Variants in CDH4 observed in about 807,000 individuals in gnomAD.
The protein encoded by CDH4 is cadherin 4, also known as cadherin-4.
A neutral mutation model predicts 86.0 loss-of-function variants in CDH4; 33 were observed. That is an observed-to-expected ratio of 0.38 (90% CI 0.29 to 0.51). The LOEUF (loss-of-function observed/expected upper bound fraction) is 0.51. Ranked by LOEUF, CDH4 falls within the 20% of genes least tolerant of loss-of-function variation. The pLI is 0.86. For missense variants in CDH4, 1,114 were observed against 1,307.4 expected (o/e 0.85, Z 2.28); for synonymous variants, 555 against 549.4 (o/e 1.01, Z -0.14).
At chr20:61,842,708 G>A (rs932851390) in intron 4 of CDH4, among the ~76,000 whole-genome samples, 9 of 41,998 alleles carry the variant, frequency 2.1e-4, no homozygotes, top group East Asian at 4.6e-4. Flanking sequence ...TCTGGAATCT[G>A]TTACCCCTAT....
At chr20:61,896,893 CGAGA>C (rs1985153213) in intron 8 of CDH4, among the ~76,000 whole-genome samples, 1 of 152,088 alleles carries the variant, frequency 6.6e-6, no homozygotes, top group African/African-American at 2.4e-5. Context: ...TCCCTGACTC[CGAGA>C]AAGAAAAGGA....
intron 2 of CDH4, among the ~76,000 whole-genome samples, chr20:61,679,004 C>T (rs909124789): frequency 4.6e-5 from 7 of 152,156 alleles, no homozygotes; most frequent in African/African-American, 1.7e-4. Context: ...TTTCTTTTTG[C>T]CCTGTGGATT....
intron 2 of CDH4, among the ~76,000 whole-genome samples, chr20:61,386,800 CAGAG>C (rs1178014795): frequency 6.6e-5 from 10 of 152,230 alleles, no homozygotes; most frequent in Admixed American, 2.0e-4. Context: ...CTTCAGGAAA[CAGAG>C]AGAGGTGACC....
chr20:61,924,707 C>T (rs2055026016), intron 11 of CDH4, among the ~76,000 whole-genome samples: 1 of 152,120 alleles, frequency 6.6e-6, no homozygotes, highest in Non-Finnish European at 1.5e-5. Context: ...GTCATTCATT[C>T]TGCCCCCTCC....
At chr20:61,766,181 C>G (rs1457987668) in intron 3 of CDH4, among the ~76,000 whole-genome samples, 1 of 152,000 alleles carries the variant, frequency 6.6e-6, no homozygotes, top group Non-Finnish European at 1.5e-5. Context: ...CTGACCCTCC[C>G]CTCCCTACCC....
chr20:61,681,660 T>G lies in CDH4; in HGVS notation c.170-61903T>G, dbSNP rs1006089351. Among the ~76,000 whole-genome samples the G allele has an allele frequency of 1.3e-5, 2 of 152,152 alleles. No individual in the cohort carries two copies. Among genetic ancestry groups the G allele is most frequent in the African/African-American group, 4.8e-5 (2 of 41,428 alleles). Reference sequence around the variant, plus strand: ...GGAATCCCTTCCACAGGCACAGAGCTGAGGGTGCTGCAGAGCCCCTAAAGA... The same window carrying G: ...GGAATCCCTTCCACAGGCACAGAGCGGAGGGTGCTGCAGAGCCCCTAAAGA... On this transcript the variant is annotated intron_variant, in intron 2 of 15. Transcript: ENST00000614565. The surrounding 1 kb of genome is among the most constrained non-coding windows in gnomAD (Gnocchi z 4.5).
rs140545285 is a variant in CDH4, at chr20:61,592,412, C to T, written c.170-151151C>T. ...CCGTCATCCATGCAAAAGTAGCCACCGTGAAAATGGCCAATGGTATGGTTT... is the reference window on the plus strand; with the variant it reads ...CCGTCATCCATGCAAAAGTAGCCACTGTGAAAATGGCCAATGGTATGGTTT... On this transcript the variant is annotated intron_variant, in intron 2 of 15. Transcript: ENST00000614565. Among the ~76,000 whole-genome samples, 581 of 152,206 alleles carry T rather than the reference C, an allele frequency of 3.8e-3. 5 individuals are homozygous for T. Among genetic ancestry groups the T allele is most frequent in the African/African-American group, 0.014 (567 of 41,546 alleles).
At chr20:61,266,177 A>G (rs1354144368) in intron 2 of CDH4, among the ~76,000 whole-genome samples, 1 of 152,148 alleles carries the variant, frequency 6.6e-6, no homozygotes, top group Non-Finnish European at 1.5e-5. Flanking sequence ...GGTGCTTCCC[A>G]GCCCAGGAAA....
chr20:61,930,521 G>T (rs1394308046), intron 13 of CDH4, among the ~76,000 whole-genome samples: 2 of 152,070 alleles, frequency 1.3e-5, no homozygotes, highest in East Asian at 3.9e-4. Flanking sequence ...GCGGGGAAGG[G>T]TTGGGCTACC....
intron 4 of CDH4, among the ~76,000 whole-genome samples, chr20:61,830,970 T>G (rs927349975): frequency 3.3e-5 from 5 of 152,134 alleles, no homozygotes; most frequent in Non-Finnish European, 7.3e-5. Context: ...GGAGTGGGGT[T>G]TGAAGCTGAG....
At chr20:61,885,070 G>C (rs1167538297) in intron 7 of CDH4, among the ~76,000 whole-genome samples, 1 of 152,112 alleles carries the variant, frequency 6.6e-6, no homozygotes, top group Non-Finnish European at 1.5e-5. Flanking sequence ...ATCCATGCTA[G>C]AGTGGACATA....
At chr20:61,872,303 G>C (rs558236644) in intron 6 of CDH4, among the ~76,000 whole-genome samples, 1 of 152,308 alleles carries the variant, frequency 6.6e-6, no homozygotes, top group South Asian at 2.1e-4. Flanking sequence ...GTGAGATGAG[G>C]ATGCACAGGG....
At chr20:61,799,339 A>G (rs946702584) in intron 4 of CDH4, among the ~76,000 whole-genome samples, 22 of 152,348 alleles carry the variant, frequency 1.4e-4, no homozygotes, top group African/African-American at 5.3e-4. Context: ...TACGCTTCAT[A>G]ATATAAGAGG....
chr20:61,475,064 C>T (rs1049684947), intron 2 of CDH4, among the ~76,000 whole-genome samples: 13 of 152,122 alleles, frequency 8.5e-5, no homozygotes, highest in South Asian at 4.1e-4. Context: ...TTGATTATGG[C>T]GATCCCACAT....
intron 2 of CDH4, among the ~76,000 whole-genome samples, chr20:61,661,474 T>A (rs1296385319): frequency 6.7e-6 from 1 of 149,514 alleles, no homozygotes; most frequent in African/African-American, 2.5e-5. Flanking sequence ...TTCTGACTTT[T>A]TTTTTTTTTT....
intron 2 of CDH4, among the ~76,000 whole-genome samples, chr20:61,569,755 G>A (rs75956171): frequency 2.0e-5 from 3 of 151,992 alleles, no homozygotes; most frequent in Non-Finnish European, 4.4e-5. Context: ...TTGCTGTCAC[G>A]CCCTTTCATC....
chr20:61,607,613 C>T (rs564792730), intron 2 of CDH4, among the ~76,000 whole-genome samples: 2 of 152,286 alleles, frequency 1.3e-5, no homozygotes, highest in East Asian at 1.9e-4. Context: ...TACGTGGACT[C>T]GCAATAGCAT....
chr20:61,380,530 C>G (rs569689698), intron 2 of CDH4, among the ~76,000 whole-genome samples: 1 of 150,416 alleles, frequency 6.6e-6, no homozygotes, highest in Admixed American at 6.6e-5. Flanking sequence ...ACAAACCCCC[C>G]TGCCCCCTCC....
intron 8 of CDH4, among the ~76,000 whole-genome samples, chr20:61,905,535 A>ATGTG (rs2054779734): frequency 6.6e-6 from 1 of 152,198 alleles, no homozygotes; most frequent in East Asian, 1.9e-4. Flanking sequence ...AGCTTCAGGC[A>ATGTG]CGGCCGCTCC....
Sources: allele counts gnomAD v4.1 joint callset (sites outside exome capture counted in the v4.1 genomes callset), GRCh38; gene constraint gnomAD v4.1.1; non-coding constraint Gnocchi (gnomAD v3.1); transcripts MANE v1.5; gene names NCBI Gene and HGNC (gene_info 2026-07-23, HGNC 2026-07-21).